Variants in TANC2 observed in about 807,000 individuals in gnomAD.
The protein encoded by TANC2 is tetratricopeptide repeat, ankyrin repeat and coiled-coil containing 2.
Under a neutral mutation model 210.5 loss-of-function variants are expected in TANC2, and 26 were observed. The observed-to-expected ratio is 0.12, with a 90% CI of 0.09 to 0.17. The LOEUF (loss-of-function observed/expected upper bound fraction) is 0.17, where lower values mean the gene tolerates loss of function less well. Among genes scored for constraint, TANC2 ranks in the 10% least tolerant of loss-of-function variants. The pLI, the probability that TANC2 is intolerant of heterozygous loss-of-function variation, is 1.00. For missense variants in TANC2, 2,129 were observed against 2,608.9 expected (o/e 0.82, Z 4.01); for synonymous variants, 931 against 967.1 (o/e 0.96, Z 0.69).
chr17:63,363,734 C>T (rs1474653624), intron 14 of TANC2, among the ~76,000 whole-genome samples: 1 of 152,154 alleles, frequency 6.6e-6, no homozygotes, highest in Non-Finnish European at 1.5e-5. Flanking sequence ...TGTTTTTATA[C>T]CAGTACCATG....
intron 3 of TANC2, among the ~76,000 whole-genome samples, chr17:63,075,963 G>C (rs1598358531): frequency 6.6e-6 from 1 of 152,174 alleles, no homozygotes; most frequent in Non-Finnish European, 1.5e-5. Flanking sequence ...GAAGGAGAAA[G>C]TATCAACACA....
At chr17:63,308,416 C>G (rs963989982) in intron 9 of TANC2, among the ~76,000 whole-genome samples, 4 of 152,120 alleles carry the variant, frequency 2.6e-5, no homozygotes, top group African/African-American at 7.2e-5. Flanking sequence ...CAGGGTATCT[C>G]CAGTCTGTCT....
rs1201057346 is a variant in TANC2 at position 63,395,910 on chromosome 17, C to T, written c.3219C>T (p.Ala1073=). 3.7e-6 allele frequency: 6 copies of T among 1,609,222 alleles called. No individual in the cohort carries two copies. In the South Asian group the frequency reaches 5.6e-5, roughly 15 times the overall value. Residue 1073 remains alanine, a synonymous_variant, in exon 18 of 28, where the codon GCC becomes GCT. Coordinates refer to ENST00000689528, the Ensembl canonical transcript of TANC2. ...TCCAACAGGCCCTCATTGCTGCAGCCAGCATGGGTTATACTGAGGTAAGAA... is the reference window on the plus strand; with the variant it reads ...TCCAACAGGCCCTCATTGCTGCAGCTAGCATGGGTTATACTGAGGTAAGAA...
At chr17:62,968,110 C>T (rs965034526) in intron 1 of TANC2, among the ~76,000 whole-genome samples, 6 of 152,170 alleles carry the variant, frequency 3.9e-5, no homozygotes, top group South Asian at 2.1e-4. Context: ...ACATCTGTTT[C>T]GAGAGGATTG....
At chr17:63,143,027 T>C (rs1194454826) in intron 4 of TANC2, among the ~76,000 whole-genome samples, 2 of 152,136 alleles carry the variant, frequency 1.3e-5, no homozygotes, top group Non-Finnish European at 2.9e-5. Flanking sequence ...TATGTTTGAA[T>C]CCCCTGAAGC....
chr17:63,159,472 C>A (rs2039950339), intron 5 of TANC2, among the ~76,000 whole-genome samples: 1 of 152,086 alleles, frequency 6.6e-6, no homozygotes, highest in African/African-American at 2.4e-5. Context: ...ATCAGAAAGC[C>A]ATTGTTAATA....
At chr17:63,278,493 G>C (rs2043961966) in intron 9 of TANC2, among the ~76,000 whole-genome samples, 1 of 152,102 alleles carries the variant, frequency 6.6e-6, no homozygotes, top group Non-Finnish European at 1.5e-5. Context: ...TGTTGGTGAG[G>C]ATGTAGAGAA....
chr17:63,043,375 A>G (rs756044919), intron 2 of TANC2, among the ~76,000 whole-genome samples: 1 of 152,092 alleles, frequency 6.6e-6, no homozygotes, highest in Admixed American at 6.6e-5. Flanking sequence ...ATATAAACCC[A>G]TACATAATTA....
intron 19 of TANC2, among the ~76,000 whole-genome samples, chr17:63,399,747 G>A (rs2048285461): frequency 1.3e-5 from 2 of 152,212 alleles, no homozygotes; most frequent in African/African-American, 4.8e-5. Context: ...GTTAGGATAA[G>A]AGTGTTATTA....
chr17:63,062,225 A>G (rs1355175577), intron 2 of TANC2, among the ~76,000 whole-genome samples: 2 of 152,164 alleles, frequency 1.3e-5, no homozygotes, highest in African/African-American at 4.8e-5. Context: ...CCAAGTATGT[A>G]TAAGGAGACA....
At chr17:62,988,952 A>G (rs1048536531) in intron 1 of TANC2, among the ~76,000 whole-genome samples, 1 of 152,196 alleles carries the variant, frequency 6.6e-6, no homozygotes, top group Non-Finnish European at 1.5e-5. Context: ...TTCCCCTTGT[A>G]CTTTATTTCT....
chr17:63,150,187 A>G (rs2145393870), intron 4 of TANC2: 2 of 152,286 alleles, frequency 1.3e-5, no homozygotes, highest in South Asian at 4.1e-4. Flanking sequence ...ACTTTTGAGA[A>G]AAGTAATGTG....
intron 8 of TANC2, among the ~76,000 whole-genome samples, chr17:63,248,185 A>G (rs947960000): frequency 3.3e-5 from 5 of 152,084 alleles, no homozygotes; most frequent in Non-Finnish European, 1.5e-5. Context: ...ATTTAGCTCT[A>G]GATACACATA....
At chr17:63,199,142 A>G (rs1387214467) in intron 6 of TANC2, among the ~76,000 whole-genome samples, 1 of 152,226 alleles carries the variant, frequency 6.6e-6, no homozygotes, top group East Asian at 1.9e-4. Flanking sequence ...GAAGAGCCTT[A>G]ATATTCTCAT....
In TANC2 at chr17:63,009,634, A is replaced by G; in HGVS notation, c.67+8A>G. 1.2e-6 allele frequency: 2 copies of G among 1,611,012 alleles called. 1 individual carries two copies. The highest frequency in any genetic ancestry group is 2.2e-5 in the South Asian group (2 of 90,922). ...GTAAAAACAGGTCAAGTGGTAAGTG[A>G]CTATGCTACATTTATTGTGCGTGAT... On this transcript the variant is annotated splice_region_variant and intron_variant, in intron 2 of 27. Transcript: ENST00000689528.
chr17:63,347,980 C>A (rs113735286), intron 12 of TANC2, among the ~76,000 whole-genome samples: 5,776 of 152,184 alleles, frequency 0.038, 368 homozygotes, highest in African/African-American at 0.12. Flanking sequence ...GTTGCCCAGG[C>A]TGGTCTGGAA....
At chr17:63,189,055 T>A (rs2041098224) in intron 5 of TANC2, among the ~76,000 whole-genome samples, 1 of 152,232 alleles carries the variant, frequency 6.6e-6, no homozygotes, top group Non-Finnish European at 1.5e-5. Flanking sequence ...GTGTCTGATT[T>A]TCTTAGCACA....
At chr17:63,318,517 C>T (rs1049525691) in intron 10 of TANC2, among the ~76,000 whole-genome samples, 13 of 152,164 alleles carry the variant, frequency 8.5e-5, no homozygotes, top group African/African-American at 2.7e-4. Flanking sequence ...TATTTCCAGC[C>T]CTAGGTAACC....
chr17:62,986,849 C>T (rs911541118), intron 1 of TANC2, among the ~76,000 whole-genome samples: 6 of 152,038 alleles, frequency 3.9e-5, no homozygotes, highest in Non-Finnish European at 8.8e-5. Flanking sequence ...GCCTGCAGAG[C>T]TGTTCCTCAG....
Sources: gnomAD v4.1 joint callset for allele counts (sites outside exome capture counted in the v4.1 genomes callset) on GRCh38, gnomAD v4.1.1 for gene constraint, MANE v1.5 for transcripts, NCBI Gene and HGNC (gene_info 2026-07-23, HGNC 2026-07-21) for gene names.